The following SPNS2 variants were observed in gnomAD, a reference collection of about 807,000 sequenced individuals.
The protein encoded by SPNS2 is SPNS lysolipid transporter 2, sphingosine-1-phosphate, also known as sphingosine-1-phosphate transporter SPNS2.
SPNS2 carries 37 observed loss-of-function variants against 57.6 expected under a neutral mutation model. The observed-to-expected ratio is 0.64, with a 90% CI of 0.49 to 0.85. The LOEUF is 0.85. Among genes scored for constraint, SPNS2 ranks in the 40% least tolerant of loss-of-function variants. The pLI is 0.00. For synonymous variants in SPNS2, 440 were observed against 346.9 expected, an observed-to-expected ratio of 1.27 and a Z score of -2.98; for missense variants, 831 against 779.1, an observed-to-expected ratio of 1.07 and a Z score of -0.79.
rs368603704 is a variant in SPNS2 at position 4,530,776 on chromosome 17, C to T, written c.718C>T (p.Leu240=). 2.4e-5 allele frequency: 39 copies of T among 1,613,080 alleles called. No homozygotes were observed. In the African/African-American group the frequency reaches 3.9e-4, roughly 16 times the overall value. The change falls in exon 4 of 13, where the codon CTG becomes TTG. Residue 240 remains leucine (L), a synonymous_variant. Transcript: ENST00000329078. The stretch of plus-strand genomic sequence containing the variant: ...GTCCGTCTTCTACTTCGCCATCCCA[C>T]TGGGCAGGTGAGAGCCGGAGATGCC... ...MLSVFYFAIP[L]GSGLGYITGS...
rs757449987 is a variant in SPNS2, at chr17:4,533,414, C to A, written c.1260C>A (p.Ser420Arg). Residue 420 changes from serine (S) to arginine (R), a missense_variant, in exon 8 of 13, where the codon AGC (serine) becomes AGA (arginine). Ser to Arg is a moderately radical substitution (Grantham distance 110). Coordinates refer to ENST00000329078, the MANE Select transcript of SPNS2 (RefSeq NM_001124758.3). Reference sequence around the variant, plus strand: ...GCCTGATCTTCGTGGCTGCCAAGAGCAGCATCGTAGGAGCCTATGTGAGTG... The same window carrying A: ...GCCTGATCTTCGTGGCTGCCAAGAGAAGCATCGTAGGAGCCTATGTGAGTG... Reference protein sequence around the residue: ...FICLIFVAAKSSIVGAYICIF... With the variant: ...FICLIFVAAKRSIVGAYICIF... The A allele has an allele frequency of 6.2e-7, 1 of 1,605,928 alleles. No individual in the cohort carries two copies. The highest frequency in any genetic ancestry group is 1.1e-5 in the South Asian group (1 of 90,440).
At chr17:4,519,235 C>G (rs1008792658) in intron 2 of SPNS2, among the ~76,000 whole-genome samples, 1 of 152,256 alleles carries the variant, frequency 6.6e-6, no homozygotes, top group Admixed American at 6.5e-5. Flanking sequence ...TCCAAGGCCA[C>G]AGGGCGGGGG....
Position 4,537,905 on chromosome 17 carries a change from T to G in SPNS2, c.*457T>G, listed in dbSNP as rs921542364. 7.7e-5 allele frequency: 32 copies of G among 417,920 alleles called. No individual in the cohort carries two copies. The highest frequency in any genetic ancestry group is 6.3e-4 in the African/African-American group (31 of 49,112). 25.9% of individuals were successfully genotyped at this position (417,920 alleles called of 1,614,324 possible). The stretch of plus-strand genomic sequence containing the variant: ...GACCCTGGACCATACGGAGAGCAGG[T>G]GGCCCAGGCCTCAGGGCGGCAGTCC... On this transcript the variant is annotated 3_prime_UTR_variant, in exon 13 of 13. Transcript: ENST00000329078.
In SPNS2 at chr17:4,536,924, C is replaced by G. The variant is rs772479931; in HGVS notation, c.1632C>G (p.Pro544=). ...GGGTGAACCAGCTGGCGATGCCGCC[C>G]GCATCTGTGAAAGTCTGAGGTGGTG... is the stretch of plus-strand genomic sequence containing the variant. ...EQQVNQLAMP[P]ASVKV Residue 544 remains proline, a synonymous_variant, in exon 12 of 13, where the codon CCC becomes CCG. Transcript: ENST00000329078. 5 of 1,613,674 alleles carry G rather than the reference C, an allele frequency of 3.1e-6. No homozygotes were observed. The highest frequency in any genetic ancestry group is 1.7e-5 in the Admixed American group (1 of 59,958).
At chr17:4,523,390 A>G (rs978799356) in intron 2 of SPNS2, among the ~76,000 whole-genome samples, 2 of 152,214 alleles carry the variant, frequency 1.3e-5, no homozygotes, top group East Asian at 1.9e-4. Context: ...GTGAGCGGAA[A>G]TCGCACCACT....
intron 1 of SPNS2, among the ~76,000 whole-genome samples, chr17:4,508,891 C>T (rs995247403): frequency 1.3e-5 from 2 of 152,194 alleles, no homozygotes; most frequent in African/African-American, 4.8e-5. Flanking sequence ...GGCACTGTCT[C>T]GGGGTCTCTA....
intron 4 of SPNS2, 65 bp from the exon 5 acceptor site, chr17:4,530,988 C>G: frequency 6.3e-7 from 1 of 1,580,062 alleles, no homozygotes; most frequent in Non-Finnish European, 8.6e-7. Context: ...CCTTGCAGAC[C>G]AGCGGGCACT....
rs1437971860 is a variant in SPNS2, at chr17:4,538,779, C to T, written c.*1331C>T. 1 of 739,300 alleles carries T rather than the reference C, an allele frequency of 1.4e-6. No individual in the cohort carries two copies. Among genetic ancestry groups the T allele is most frequent in the Non-Finnish European group, 2.5e-6 (1 of 407,052 alleles). The allele number at this position is 739,300 out of a possible 1,614,324, so 45.8% of individuals were successfully genotyped here. On this transcript the variant is annotated 3_prime_UTR_variant, in exon 13 of 13. Transcript: ENST00000329078. ...TACTCACCCACCAAGCTCTGGGGTA[C>T]CCCGAGGGCCTGACAAGAGGATGGG...
At chr17:4,518,408 C>CA (rs1567590653) in intron 2 of SPNS2, among the ~76,000 whole-genome samples, 2 of 152,082 alleles carry the variant, frequency 1.3e-5, no homozygotes, top group Admixed American at 6.5e-5. Flanking sequence ...CCTGTAATCC[C>CA]GCTACTCGGG....
At chr17:4,535,989 G>A (rs1905764272) in intron 9 of SPNS2, 87 bp from the exon 10 acceptor site, 2 of 1,108,072 alleles carry the variant, frequency 1.8e-6, no homozygotes, top group Non-Finnish European at 2.6e-6. Context: ...GAGGGTGTGG[G>A]GGCTTCAGAA....
intron 1 of SPNS2, 47 bp from the exon 2 acceptor site, chr17:4,513,200 A>G: frequency 6.2e-7 from 1 of 1,602,536 alleles, no homozygotes; most frequent in Non-Finnish European, 8.5e-7. Flanking sequence ...CTGTGGGGAC[A>G]CCAGCCATCA....
intron 1 of SPNS2, among the ~76,000 whole-genome samples, chr17:4,508,346 A>G (rs988295987): frequency 2.0e-5 from 3 of 152,160 alleles, no homozygotes; most frequent in Non-Finnish European, 4.4e-5. Flanking sequence ...GTGCGTTTAT[A>G]GATTCTTAGG....
chr17:4,509,396 T>C (rs1231301599), intron 1 of SPNS2, among the ~76,000 whole-genome samples: 3 of 152,216 alleles, frequency 2.0e-5, no homozygotes, highest in Admixed American at 6.5e-5. Flanking sequence ...GCTGTGATTG[T>C]GCCACTGCAC....
intron 3 of SPNS2, among the ~76,000 whole-genome samples, chr17:4,525,544 C>T (rs1384887586): frequency 6.6e-6 from 1 of 152,228 alleles, no homozygotes; most frequent in African/African-American, 2.4e-5. Context: ...CTGTGTGACC[C>T]TGGGGGAGTC....
At chr17:4,527,963 A>C (rs58369578) in intron 3 of SPNS2, among the ~76,000 whole-genome samples, 34,532 of 150,344 alleles carry the variant, frequency 0.23, 4,087 homozygotes, top group South Asian at 0.3. Context: ...AAAAAAAAAA[A>C]AGGAAGCAAT....
chr17:4,526,359 T>C (rs1430871781), intron 3 of SPNS2, among the ~76,000 whole-genome samples: 1 of 152,086 alleles, frequency 6.6e-6, no homozygotes, highest in Non-Finnish European at 1.5e-5. Flanking sequence ...TCCCAGCACT[T>C]TGGAAGGCCA....
intron 3 of SPNS2, among the ~76,000 whole-genome samples, chr17:4,525,791 C>T (rs1415891268): frequency 6.6e-6 from 1 of 152,176 alleles, no homozygotes; most frequent in East Asian, 1.9e-4. Context: ...GATAATACTT[C>T]CCAACTCGAA....
rs1380738095 is a variant in SPNS2 at position 4,538,841 on chromosome 17, C to A, written c.*1393C>A. The A allele has an allele frequency of 7.7e-6, 6 of 778,472 alleles. No homozygotes were observed. The highest frequency in any genetic ancestry group is 1.7e-5 in the African/African-American group (1 of 59,008). The allele number at this position is 778,472 out of a possible 1,614,324, so 48.2% of individuals were successfully genotyped here. A position where few individuals can be genotyped will look rare whatever the true frequency, so the allele number is the denominator to read the frequency against. ...ATCCTCCAAAGACCAGCCTCCACCC[C>A]CACTCCAGCCTCAGCGGGGCCCCAG... is the stretch of plus-strand genomic sequence containing the variant. On this transcript the variant is annotated 3_prime_UTR_variant, in exon 13 of 13. Transcript: ENST00000329078.
At position 4,537,942 on chromosome 17, in the gene SPNS2, C is replaced by G. The variant is rs1036533849; in HGVS notation, c.*494C>G. ...CAGGGCGGCAGTCCCGGCTTTGAGG[C>G]TCACGCGAGGGCCTGGTATGCAGGG... On this transcript the variant is annotated 3_prime_UTR_variant, in exon 13 of 13. Transcript: ENST00000329078. The G allele has an allele frequency of 1.0e-5, 4 of 382,860 alleles. No individual in the cohort carries two copies. Among genetic ancestry groups the G allele is most frequent in the Non-Finnish European group, 2.1e-5 (4 of 187,886 alleles). 23.7% of individuals were successfully genotyped at this position (382,860 alleles called of 1,614,324 possible). A position where few individuals can be genotyped will look rare whatever the true frequency, so the allele number is the denominator to read the frequency against.
Sources: allele counts gnomAD v4.1 joint callset (sites outside exome capture counted in the v4.1 genomes callset), GRCh38; gene constraint gnomAD v4.1.1; transcripts MANE v1.5; gene names NCBI Gene and HGNC (gene_info 2026-07-23, HGNC 2026-07-21).